Variants in FOXP2 observed in about 807,000 individuals in gnomAD.
FOXP2 encodes forkhead box P2.
A neutral mutation model predicts 115.8 loss-of-function variants in FOXP2; 12 were observed. That is an observed-to-expected ratio of 0.10 (90% CI 0.07 to 0.17). The LOEUF (loss-of-function observed/expected upper bound fraction) is 0.17. FOXP2 is among the 10% of genes least tolerant of loss of function. The pLI, the probability that FOXP2 is intolerant of heterozygous loss-of-function variation, is 1.00. For synonymous variants in FOXP2, 328 were observed against 297.7 expected, an observed-to-expected ratio of 1.10 and a Z score of -1.05; for missense variants, 629 against 843.5, an observed-to-expected ratio of 0.75 and a Z score of 3.15.
At chr7:114,630,310 G>GT (rs1804831979) in intron 5 of FOXP2, among the ~76,000 whole-genome samples, 1 of 152,076 alleles carries the variant, frequency 6.6e-6, no homozygotes, top group African/African-American at 2.4e-5. Flanking sequence ...ATCTAAGTTG[G>GT]TGAGGGAACC....
At chr7:114,430,912 A>G (rs1418611602) in intron 2 of FOXP2, among the ~76,000 whole-genome samples, 1 of 152,028 alleles carries the variant, frequency 6.6e-6, no homozygotes, top group Admixed American at 6.6e-5. Context: ...AAAGATCCAC[A>G]ACAAAATGGT....
intron 3 of FOXP2, among the ~76,000 whole-genome samples, chr7:114,551,344 A>G (rs1259481848): frequency 6.6e-6 from 1 of 152,232 alleles, no homozygotes; most frequent in South Asian, 2.1e-4. Flanking sequence ...ATAAAAATTC[A>G]GAATAATAAC....
At position 114,691,751 on chromosome 7, in the gene FOXP2, C is replaced by A. The variant is rs1377283070; in HGVS notation, c.*1825C>A. 2.2e-6 allele frequency: 1 copy of A among 453,646 alleles called. No homozygotes were observed. The highest frequency in any genetic ancestry group is 4.4e-6 in the Non-Finnish European group (1 of 226,522). 28.1% of individuals were successfully genotyped at this position (453,646 alleles called of 1,614,324 possible). On this transcript the variant is annotated 3_prime_UTR_variant, in exon 17 of 17. Coordinates refer to ENST00000350908, the MANE Select transcript of FOXP2 (RefSeq NM_014491.4). Reference sequence around the variant, plus strand: ...GCTGCTAGAGCTTAACATACGTTCCCGTTCCATGTGATGGAACCGGTTCTT... The same window carrying A: ...GCTGCTAGAGCTTAACATACGTTCCAGTTCCATGTGATGGAACCGGTTCTT...
At chr7:114,506,465 C>T (rs914850515) in intron 2 of FOXP2, among the ~76,000 whole-genome samples, 1 of 151,372 alleles carries the variant, frequency 6.6e-6, no homozygotes, top group Non-Finnish European at 1.5e-5. Flanking sequence ...ATTAGTACTA[C>T]CAAAATGTTA....
intron 2 of FOXP2, among the ~76,000 whole-genome samples, chr7:114,515,616 T>C (rs1798298332): frequency 6.6e-6 from 1 of 152,046 alleles, no homozygotes; most frequent in African/African-American, 2.4e-5. Flanking sequence ...TTCTGGATAT[T>C]AGCCCTTTGT....
intron 1 of FOXP2, among the ~76,000 whole-genome samples, chr7:114,174,332 C>T (rs1004197505): frequency 2.0e-5 from 3 of 151,858 alleles, no homozygotes; most frequent in Non-Finnish European, 4.4e-5. Flanking sequence ...TTGTTGAATT[C>T]AGGAAATAGG....
intron 1 of FOXP2, among the ~76,000 whole-genome samples, chr7:114,152,959 A>G (rs1024640007): frequency 3.9e-5 from 6 of 152,168 alleles, no homozygotes; most frequent in Non-Finnish European, 7.4e-5. Context: ...GGAACAGAAC[A>G]TGCCTGTGGG....
intron 3 of FOXP2, among the ~76,000 whole-genome samples, chr7:114,619,305 A>G (rs1804110964): frequency 6.6e-6 from 1 of 152,138 alleles, no homozygotes; most frequent in African/African-American, 2.4e-5. Context: ...GTCTTTGTAA[A>G]ACCAAAACGG....
chr7:114,532,052 C>T (rs1268702369), intron 2 of FOXP2, among the ~76,000 whole-genome samples: 2 of 151,882 alleles, frequency 1.3e-5, no homozygotes, highest in African/African-American at 4.8e-5. Flanking sequence ...TCAATCAACT[C>T]ATCCTAGTAT....
At position 114,664,326 on chromosome 7, in the gene FOXP2, T is replaced by C. The variant is rs1470687352; in HGVS notation, c.1893T>C (p.Asn631=). The change falls in exon 16 of 17, where the codon AAT becomes AAC. Residue 631 remains asparagine, a synonymous_variant. Transcript: ENST00000350908. ...LPLLSNPGLI[N]NASSGLLQAV... is the part of the protein sequence containing the mutation. ...TGCTAAGTAATCCTGGACTGATAAA[T>C]AATGCATCCAGTGGCCTACTGCAGG... 6.2e-7 allele frequency: 1 copy of C among 1,613,500 alleles called. No homozygotes were observed. The highest frequency in any genetic ancestry group is 8.5e-7 in the Non-Finnish European group (1 of 1,179,718).
intron 2 of FOXP2, among the ~76,000 whole-genome samples, chr7:114,403,494 A>G (rs900821831): frequency 6.6e-5 from 10 of 152,202 alleles, no homozygotes; most frequent in African/African-American, 1.9e-4. Flanking sequence ...CATTGCCTTT[A>G]TAAGTTAACA....
chr7:114,381,009 G>T (rs1203842154), intron 2 of FOXP2, among the ~76,000 whole-genome samples: 7 of 152,216 alleles, frequency 4.6e-5, no homozygotes, highest in Admixed American at 4.6e-4. Context: ...CTTCTTTAGG[G>T]CCTGGAAAGC....
chr7:114,332,285 A>G (rs1313658205), intron 2 of FOXP2, among the ~76,000 whole-genome samples: 2 of 152,300 alleles, frequency 1.3e-5, no homozygotes, highest in South Asian at 4.1e-4. Context: ...TTTCTGGAAG[A>G]GTAAAATGTC....
rs55855985 is a variant in FOXP2 at position 114,229,016 on chromosome 7, G to T, written c.-101-59003G>T. On this transcript the variant is annotated intron_variant, in intron 1 of 17. Coordinates refer to the FOXP2 transcript ENST00000634411. ...TATCTACAAGAGACTCACTTTAGAC[G>T]TAAGGACACACACAGACTTTAAGTG... Among the ~76,000 whole-genome samples, 23 of 151,406 alleles carry T rather than the reference G, an allele frequency of 1.5e-4. No individual in the cohort carries two copies. In the South Asian group the frequency reaches 4.8e-3, roughly 31 times the overall value.
At chr7:114,535,325 G>A (rs991475045) in intron 3 of FOXP2, among the ~76,000 whole-genome samples, 1 of 150,990 alleles carries the variant, frequency 6.6e-6, no homozygotes, top group East Asian at 1.9e-4. Context: ...AAAATATGTG[G>A]GACATTTTCT....
chr7:114,685,407 T>G (rs1808308520), intron 16 of FOXP2, among the ~76,000 whole-genome samples: 1 of 152,172 alleles, frequency 6.6e-6, no homozygotes, highest in South Asian at 2.1e-4. Context: ...ATGATAGTTT[T>G]CCTTATATAA....
intron 2 of FOXP2, among the ~76,000 whole-genome samples, chr7:114,398,016 C>T (rs977924182): frequency 6.6e-6 from 1 of 150,982 alleles, no homozygotes; most frequent in Non-Finnish European, 1.5e-5. Context: ...TTGAGAAATT[C>T]GATGGAGAGT....
intron 1 of FOXP2, among the ~76,000 whole-genome samples, chr7:114,092,613 C>A (rs2129139289): frequency 6.6e-6 from 1 of 152,106 alleles, no homozygotes; most frequent in African/African-American, 2.4e-5. Flanking sequence ...TATAAAATTT[C>A]TCACTGGCAG....
chr7:114,185,442 C>T (rs1447642751), intron 1 of FOXP2, among the ~76,000 whole-genome samples: 1 of 152,278 alleles, frequency 6.6e-6, no homozygotes, highest in East Asian at 1.9e-4. Context: ...TAAAGCCTAT[C>T]TCAAAGGGTT....
Sources: allele counts gnomAD v4.1 joint callset (sites outside exome capture counted in the v4.1 genomes callset), GRCh38; gene constraint gnomAD v4.1.1; transcripts MANE v1.5; gene names NCBI Gene and HGNC (gene_info 2026-07-23, HGNC 2026-07-21).